The following RBM39 variants were observed in gnomAD, a reference collection of about 807,000 sequenced individuals.
RBM39 encodes the protein RNA binding motif protein 39.
In RBM39, 12 loss-of-function variants were observed where a neutral mutation model predicts 79.6. The ratio of observed to expected loss-of-function variants is 0.15; its 90% confidence interval spans 0.10 to 0.24. The LOEUF (loss-of-function observed/expected upper bound fraction) is 0.24, where lower values mean the gene tolerates loss of function less well. Ranked by LOEUF, RBM39 falls within the 10% of genes least tolerant of loss-of-function variation. The pLI is 1.00. For synonymous variants in RBM39, 185 were observed against 208.4 expected, an observed-to-expected ratio of 0.89 and a Z score of 0.97; for missense variants, 243 against 653.4, an observed-to-expected ratio of 0.37 and a Z score of 6.85.
rs1379766008 is a variant in RBM39, at chr20:35,734,354, C to T, written c.102-2219G>A. ...CTACACTCATTATTTATATAGAACT[C>T]ATCAAAGCCATGCCCAGATGGGCAA... On this transcript the variant is annotated intron_variant, in intron 3 of 16. Transcript: ENST00000253363. The T allele has an allele frequency of 1.8e-5, 11 of 597,542 alleles. No homozygotes were observed. The East Asian group carries it at 7.1e-4, about 38-fold the overall frequency. 37.0% of individuals were successfully genotyped at this position (597,542 alleles called of 1,614,324 possible). A position where few individuals can be genotyped will look rare whatever the true frequency, so the allele number is the denominator to read the frequency against.
intron 3 of RBM39, among the ~76,000 whole-genome samples, chr20:35,736,292 A>G (rs541184267): frequency 6.6e-6 from 1 of 152,308 alleles, no homozygotes; most frequent in South Asian, 2.1e-4. Context: ...GACTAAACCC[A>G]ACCTGATCCC....
intron 13 of RBM39, chr20:35,707,931 A>G (rs2035946467): frequency 2.1e-6 from 1 of 466,786 alleles, no homozygotes; most frequent in Non-Finnish European, 4.4e-6. Flanking sequence ...TAGCTGTTAC[A>G]GAACTCACCG....
In RBM39 at chr20:35,701,584, T is replaced by G. The variant is rs151125125; in HGVS notation, c.*2897A>C. 687 of 152,240 alleles carry G rather than the reference T, an allele frequency of 4.5e-3. 2 individuals are homozygous for G. Among genetic ancestry groups the G allele is most frequent in the Non-Finnish European group, 7.6e-3 (517 of 68,030 alleles). 9.4% of individuals were successfully genotyped at this position (152,240 alleles called of 1,614,324 possible). A position where few individuals can be genotyped will look rare whatever the true frequency, so the allele number is the denominator to read the frequency against. ...TTGGGTAACACGGTGACACCCCGTC[T>G]CTACTAAAAATACAAAAACTTAAGC... is the stretch of plus-strand genomic sequence containing the variant. On this transcript the variant is annotated 3_prime_UTR_variant, in exon 17 of 17. Transcript: ENST00000253363.
At position 35,702,804 on chromosome 20, in the gene RBM39, C is replaced by CAG. The variant is rs1400752289; in HGVS notation, c.*1675_*1676dup. 1.3e-5 allele frequency: 2 copies of CAG among 151,874 alleles called. No individual in the cohort carries two copies. Among genetic ancestry groups the CAG allele is most frequent in the Admixed American group, 1.3e-4 (2 of 15,158 alleles). 9.4% of individuals were successfully genotyped at this position (151,874 alleles called of 1,614,324 possible). On this transcript the variant is annotated 3_prime_UTR_variant, in exon 17 of 17. Coordinates refer to ENST00000253363, the MANE Select transcript of RBM39 (RefSeq NM_184234.3). The stretch of plus-strand genomic sequence containing the variant: ...TGGGCACGGTGGTGCGCACCTGTCC[C>CAG]AGCTCTTCAGGAGACTGAGGTGGGA...
intron 12 of RBM39, among the ~76,000 whole-genome samples, chr20:35,711,893 C>G (rs2036465560): frequency 6.6e-6 from 1 of 151,876 alleles, no homozygotes; most frequent in Non-Finnish European, 1.5e-5. Context: ...TGCCTGTAAC[C>G]CAGGATTTTG....
chr20:35,739,958 C>T (rs2040351456), intron 2 of RBM39: 1 of 157,604 alleles, frequency 6.3e-6, no homozygotes, highest in South Asian at 1.8e-4. Context: ...ATGCATACTG[C>T]TATTTTCACC....
chr20:35,705,406 T>G (rs2146472868), intron 14 of RBM39, 76 bp from the exon 15 acceptor site: 2 of 823,356 alleles, frequency 2.4e-6, no homozygotes, highest in East Asian at 6.0e-5. Flanking sequence ...ATCAAAAAAT[T>G]TAAATATTCT....
chr20:35,707,203 TA>T lies in RBM39; in HGVS notation c.1226-3del. The T allele has an allele frequency of 5.0e-6, 8 of 1,600,178 alleles. No homozygotes were observed. The highest frequency in any genetic ancestry group is 1.3e-5 in the African/African-American group (1 of 74,392). On this transcript the variant is annotated splice_region_variant and splice_polypyrimidine_tract_variant and intron_variant, in intron 13 of 16. Transcript: ENST00000253363. ...AGGCAGCTGCAGCTAAAGCTGAAGC[TA>T]AAAAAAGAAAGAGAAAAATTAGTTT...
At chr20:35,712,526 T>C (rs955058865) in intron 12 of RBM39, among the ~76,000 whole-genome samples, 4 of 151,654 alleles carry the variant, frequency 2.6e-5, no homozygotes, top group Non-Finnish European at 5.9e-5. Context: ...TATACATAAT[T>C]GTAAAAACGT....
At chr20:35,724,799 G>T (rs1329661969) in intron 7 of RBM39, 77 bp from the exon 8 acceptor site, 13 of 1,464,886 alleles carry the variant, frequency 8.9e-6, no homozygotes, top group African/African-American at 1.4e-5. Flanking sequence ...CACTGTTGAA[G>T]GATGAAGGTA....
intron 9 of RBM39, among the ~76,000 whole-genome samples, chr20:35,720,702 G>A (rs778157188): frequency 5.3e-5 from 8 of 152,140 alleles, no homozygotes; most frequent in Non-Finnish European, 1.5e-5. Context: ...ACACAGAGAG[G>A]AGGAGTTTGC....
Position 35,729,476 on chromosome 20 carries a change from A to G in RBM39, c.348T>C (p.His116=), listed in dbSNP as rs1210492547. 6.2e-7 allele frequency: 1 copy of G among 1,613,976 alleles called. No homozygotes were observed. The highest frequency in any genetic ancestry group is 2.2e-5 in the East Asian group (1 of 44,876). ...TGTTTAAAAACCTTAATTTGATGCT[A>G]TGAGGCAACCCAATCTTTCCTCGGA... is the stretch of plus-strand genomic sequence containing the variant. ...SAIRGKIGLP[H]SIKLSRRRSR... The change falls in exon 5 of 17, where the codon CAT becomes CAC. Residue 116 remains histidine (H), a synonymous_variant. Transcript: ENST00000253363.
chr20:35,720,733 C>G (rs955961728), intron 9 of RBM39, among the ~76,000 whole-genome samples: 1 of 152,120 alleles, frequency 6.6e-6, no homozygotes, highest in Non-Finnish European at 1.5e-5. Context: ...GATTGTGCCA[C>G]TGCACTCCAG....
rs1484218927 is a variant in RBM39, at chr20:35,742,208, C to G, written c.-281G>C. On this transcript the variant is annotated 5_prime_UTR_variant, in exon 1 of 17. Transcript: ENST00000253363. ...CCACCCCTGCGACAGCGTCGACAAG[C>G]TCCCTGAAATGGCGGCCGCTGCTTC... 1 of 157,722 alleles carries G rather than the reference C, an allele frequency of 6.3e-6. No homozygotes were observed. Among genetic ancestry groups the G allele is most frequent in the Admixed American group, 6.5e-5 (1 of 15,360 alleles). The allele number at this position is 157,722 out of a possible 1,614,324, so 9.8% of individuals were successfully genotyped here.
chr20:35,739,609 C>A, intron 2 of RBM39: 1 of 456,320 alleles, frequency 2.2e-6, no homozygotes, highest in Non-Finnish European at 4.6e-6. Flanking sequence ...CCAAGAAAGT[C>A]AATTAATAAT....
At chr20:35,722,406 C>CA (rs1247582024) in intron 8 of RBM39, among the ~76,000 whole-genome samples, 7,112 of 95,242 alleles carry the variant, frequency 0.075, 276 homozygotes, top group African/African-American at 0.17. Flanking sequence ...GACTCAGTCT[C>CA]AAAAAAAATA....
intron 12 of RBM39, among the ~76,000 whole-genome samples, chr20:35,712,435 CAAAAAAA>C (rs765974114): frequency 3.0e-3 from 99 of 32,814 alleles, no homozygotes; most frequent in Non-Finnish European, 5.2e-3. Flanking sequence ...TACTGTTATC[CAAAAAAA>C]AAAAAAAAAA....
intron 10 of RBM39, among the ~76,000 whole-genome samples, chr20:35,714,660 G>T (rs1178047275): frequency 6.6e-6 from 1 of 152,160 alleles, no homozygotes; most frequent in Non-Finnish European, 1.5e-5. Flanking sequence ...GTTAGAAAAT[G>T]TGAAAACTGG....
chr20:35,726,855 TCTAG>T (rs1300670164), intron 6 of RBM39, among the ~76,000 whole-genome samples: 6 of 152,110 alleles, frequency 3.9e-5, no homozygotes, highest in Admixed American at 3.9e-4. Context: ...GGAAACGCAG[TCTAG>T]CTGTCACCCA....
Sources: allele counts gnomAD v4.1 joint callset (sites outside exome capture counted in the v4.1 genomes callset), GRCh38; gene constraint gnomAD v4.1.1; transcripts MANE v1.5; gene names NCBI Gene and HGNC (gene_info 2026-07-23, HGNC 2026-07-21).